PCDH17: variants seen among roughly 807,000 people sequenced by gnomAD.
PCDH17 encodes protocadherin-17.
PCDH17 carries 21 observed loss-of-function variants against 67.7 expected under a neutral mutation model. That is an observed-to-expected ratio of 0.31 (90% confidence interval 0.22 to 0.45). The LOEUF is 0.45. PCDH17 is among the 20% of genes least tolerant of loss of function. The pLI is 1.00. For synonymous variants in PCDH17, 701 were observed against 656.7 expected (o/e 1.07, Z -1.03); for missense variants, 1,471 against 1,564.8 (o/e 0.94, Z 1.01).
At chr13:57,674,999 A>T (rs1375221701) in intron 3 of PCDH17, among the ~76,000 whole-genome samples, 1 of 151,778 alleles carries the variant, frequency 6.6e-6, no homozygotes, top group Non-Finnish European at 1.5e-5. Flanking sequence ...CCACTGTAGG[A>T]CTCTTTCCAT....
At chr13:57,702,314 G>A (rs1344497081) in intron 3 of PCDH17, among the ~76,000 whole-genome samples, 2 of 151,830 alleles carry the variant, frequency 1.3e-5, no homozygotes, top group African/African-American at 4.8e-5. Flanking sequence ...GAATTATATT[G>A]TACTTTTCTT....
chr13:57,686,532 A>G (rs757519378), intron 3 of PCDH17, among the ~76,000 whole-genome samples: 12 of 151,970 alleles, frequency 7.9e-5, no homozygotes, highest in Middle Eastern at 3.2e-3. Flanking sequence ...ATAAAGTGAT[A>G]TGAACCAGAA....
rs1954737350 is a variant in PCDH17 at position 57,632,429 on chromosome 13, C to T, written c.-118C>T. The T allele has an allele frequency of 2.0e-6, 2 of 1,010,576 alleles. No homozygotes were observed. Among genetic ancestry groups the T allele is most frequent in the African/African-American group, 3.3e-5 (2 of 60,904 alleles). The allele number at this position is 1,010,576 out of a possible 1,614,324, so 62.6% of individuals were successfully genotyped here. A position where few individuals can be genotyped will look rare whatever the true frequency, so the allele number is the denominator to read the frequency against. On this transcript the variant is annotated 5_prime_UTR_variant, in exon 1 of 4. Coordinates refer to ENST00000377918, the MANE Select transcript of PCDH17 (RefSeq NM_001040429.3). ...GCTCGGGTGCAGAGGGAAAAAAGGACCCATAGACTTGTGGCTCGCGTCGCG... is the reference window on the plus strand; with the variant it reads ...GCTCGGGTGCAGAGGGAAAAAAGGATCCATAGACTTGTGGCTCGCGTCGCG...
intron 1 of PCDH17, among the ~76,000 whole-genome samples, chr13:57,638,308 A>G (rs1020404931): frequency 6.6e-6 from 1 of 152,032 alleles, no homozygotes; most frequent in Non-Finnish European, 1.5e-5. Flanking sequence ...GCTTATCGTG[A>G]TTTATCAAGA....
At chr13:57,670,572 A>G (rs1037367305) in intron 3 of PCDH17, among the ~76,000 whole-genome samples, 2 of 149,894 alleles carry the variant, frequency 1.3e-5, no homozygotes, top group Non-Finnish European at 3.0e-5. Context: ...TAATTTAAAA[A>G]TATATATATT....
At chr13:57,715,965 C>T (rs982954391) in intron 3 of PCDH17, among the ~76,000 whole-genome samples, 6 of 151,796 alleles carry the variant, frequency 4.0e-5, no homozygotes, top group Non-Finnish European at 7.4e-5. Flanking sequence ...ACATAAAATA[C>T]CAGTTTAAAT....
intron 3 of PCDH17, among the ~76,000 whole-genome samples, chr13:57,707,249 T>C (rs2138083759): frequency 6.6e-6 from 1 of 152,098 alleles, no homozygotes; most frequent in South Asian, 2.1e-4. Context: ...CAAAAACATT[T>C]CCATTTGAGA....
intron 3 of PCDH17, among the ~76,000 whole-genome samples, chr13:57,673,510 A>G (rs879716902): frequency 2.6e-5 from 4 of 152,012 alleles, no homozygotes; most frequent in African/African-American, 4.8e-5. Flanking sequence ...CACGTAACCA[A>G]GAACATGAAG....
intron 1 of PCDH17, among the ~76,000 whole-genome samples, chr13:57,640,218 T>C (rs1186792865): frequency 6.6e-6 from 1 of 151,994 alleles, no homozygotes; most frequent in African/African-American, 2.4e-5. Flanking sequence ...TGCTGCTTGC[T>C]GCTTATGTAC....
At chr13:57,677,706 A>G (rs907103986) in intron 3 of PCDH17, among the ~76,000 whole-genome samples, 2 of 151,862 alleles carry the variant, frequency 1.3e-5, no homozygotes, top group African/African-American at 4.8e-5. Flanking sequence ...AAACATCTAT[A>G]CAATCTGACA....
chr13:57,631,700 G>T (rs1954723013), upstream of PCDH17: 1 of 152,448 alleles, frequency 6.6e-6, no homozygotes, highest in Non-Finnish European at 1.5e-5. Context: ...GAGGAGCCTG[G>T]TGGGGAGAGG....
intron 3 of PCDH17, among the ~76,000 whole-genome samples, chr13:57,687,369 G>A (rs1315705153): frequency 6.6e-5 from 10 of 151,908 alleles, no homozygotes; most frequent in Admixed American, 6.6e-4. Context: ...TGTGAAACAA[G>A]CTCTTTTCTT....
At chr13:57,673,512 A>G (rs916681203) in intron 3 of PCDH17, among the ~76,000 whole-genome samples, 5 of 152,002 alleles carry the variant, frequency 3.3e-5, no homozygotes, top group Non-Finnish European at 7.4e-5. Flanking sequence ...CGTAACCAAG[A>G]ACATGAAGGT....
chr13:57,715,626 A>G (rs1461730836), intron 3 of PCDH17, among the ~76,000 whole-genome samples: 2 of 151,930 alleles, frequency 1.3e-5, no homozygotes, highest in East Asian at 3.9e-4. Context: ...TGTTCTTTAT[A>G]TGGTGTATCA....
chr13:57,631,539 C>T (rs573590963), upstream of PCDH17, among the ~76,000 whole-genome samples: 11 of 152,306 alleles, frequency 7.2e-5, no homozygotes, highest in Non-Finnish European at 1.5e-4. Context: ...AGGCTACTGG[C>T]TTGGCGTAGA....
At chr13:57,639,392 G>A (rs1400153539) in intron 1 of PCDH17, among the ~76,000 whole-genome samples, 2 of 151,508 alleles carry the variant, frequency 1.3e-5, no homozygotes, top group Non-Finnish European at 3.0e-5. Context: ...TTATTATATT[G>A]TTACTTTTAT....
rs964737798 is a variant in PCDH17, at chr13:57,727,354, A to G, written c.*2060A>G. Reference sequence around the variant, plus strand: ...CCAAGCCAGTGTAGAAACAGCAAAAATGTCATAAAAATTCTTATATTTAAA... The same window carrying G: ...CCAAGCCAGTGTAGAAACAGCAAAAGTGTCATAAAAATTCTTATATTTAAA... On this transcript the variant is annotated 3_prime_UTR_variant, in exon 4 of 4. Coordinates refer to ENST00000377918, the MANE Select transcript of PCDH17 (RefSeq NM_001040429.3). 7.9e-5 allele frequency: 12 copies of G among 152,626 alleles called. No individual in the cohort carries two copies. Among genetic ancestry groups the G allele is most frequent in the African/African-American group, 2.7e-4 (11 of 41,454 alleles). The allele number at this position is 152,626 out of a possible 1,614,324, so 9.5% of individuals were successfully genotyped here.
intron 1 of PCDH17, among the ~76,000 whole-genome samples, chr13:57,635,815 A>G (rs1182222244): frequency 3.3e-5 from 5 of 152,178 alleles, no homozygotes; most frequent in Admixed American, 3.3e-4. Context: ...ATGACTAGTA[A>G]CTATCTATGA....
chr13:57,673,853 CT>C (rs1363166881), intron 3 of PCDH17, among the ~76,000 whole-genome samples: 1 of 151,958 alleles, frequency 6.6e-6, no homozygotes, highest in African/African-American at 2.4e-5. Flanking sequence ...TCCCACCCCC[CT>C]GTGCTGTCTT....
Sources: gnomAD v4.1 joint callset for allele counts (sites outside exome capture counted in the v4.1 genomes callset) on GRCh38, gnomAD v4.1.1 for gene constraint, MANE v1.5 for transcripts, NCBI Gene and HGNC (gene_info 2026-07-23, HGNC 2026-07-21) for gene names.